JMJD1C: variants seen among roughly 807,000 people sequenced by gnomAD.
JMJD1C encodes jumonji domain containing 1C.
Under a neutral mutation model 245.3 loss-of-function variants are expected in JMJD1C, and 31 were observed. The observed-to-expected ratio is 0.13, with a 90% CI of 0.09 to 0.17. JMJD1C has a LOEUF of 0.17. JMJD1C is among the 10% of genes least tolerant of loss of function. The pLI, the probability that JMJD1C is intolerant of heterozygous loss-of-function variation, is 1.00. For synonymous variants in JMJD1C, 1,057 were observed against 1,017.4 expected, an observed-to-expected ratio of 1.04 and a Z score of -0.74; for missense variants, 2,691 against 3,000.2, an observed-to-expected ratio of 0.90 and a Z score of 2.41.
chr10:63,504,432 A>G (rs1954655329), intron 1 of JMJD1C, among the ~76,000 whole-genome samples: 1 of 152,126 alleles, frequency 6.6e-6, no homozygotes, highest in African/African-American at 2.4e-5. Flanking sequence ...TAAGAAGCCA[A>G]TGCAGGTGAG....
intron 2 of JMJD1C, among the ~76,000 whole-genome samples, chr10:63,335,023 G>GAAGAAAAA (rs1942563813): frequency 9.9e-6 from 1 of 100,836 alleles, no homozygotes; most frequent in African/African-American, 4.1e-5. Context: ...TCTGTCTTTG[G>GAAGAAAAA]AAAAAAATAA....
At chr10:63,471,633 T>C (rs1953494828) in intron 1 of JMJD1C, among the ~76,000 whole-genome samples, 7 of 152,230 alleles carry the variant, frequency 4.6e-5, no homozygotes, top group Admixed American at 4.6e-4. Flanking sequence ...ATTACTAATA[T>C]TAATACATAC....
intron 24 of JMJD1C, 92 bp from the exon 25 acceptor site, chr10:63,168,658 A>C: frequency 8.8e-7 from 1 of 1,137,198 alleles, no homozygotes; most frequent in Non-Finnish European, 1.2e-6. Context: ...ACAAGAGACA[A>C]TTCTGCTGGA....
intron 3 of JMJD1C, among the ~76,000 whole-genome samples, chr10:63,226,608 G>A (rs192375289): frequency 6.6e-5 from 10 of 151,492 alleles, no homozygotes; most frequent in Admixed American, 2.0e-4. Flanking sequence ...CCAACTACTC[G>A]GGAGGCTGAG....
intron 2 of JMJD1C, among the ~76,000 whole-genome samples, chr10:63,274,249 T>C (rs543050116): frequency 3.9e-5 from 6 of 152,316 alleles, no homozygotes; most frequent in East Asian, 1.9e-4. Flanking sequence ...TCCTACATCA[T>C]TGTAATGTCC....
Position 63,207,689 on chromosome 10 carries a change from T to C in JMJD1C, c.3980A>G (p.Asp1327Gly). Residue 1327 changes from aspartate (D) to glycine (G), a missense_variant, in exon 10 of 26, where the codon GAT becomes GGT. Physicochemically the swap from Asp to Gly is moderately conservative, Grantham distance 94 (BLOSUM62 -1). Around this residue, in one of 9 missense-constraint regions of JMJD1C, gnomAD observed 1,562 missense variants for 1,490.7 expected, o/e 1.05. Coordinates refer to ENST00000399262, the MANE Select transcript of JMJD1C (RefSeq NM_032776.3). ...AGCTGAAGATCTTTCACTAACACGA[T>C]CTTTAGAAGCTAACTGCATTGCTGG... is the stretch of plus-strand genomic sequence containing the variant. ...SMPAMQLASK[D>G]RVSERSSAGA... is the part of the protein sequence containing the mutation. 1 of 1,614,172 alleles carries C rather than the reference T, an allele frequency of 6.2e-7. No homozygotes were observed.
At chr10:63,393,841 A>C (rs1026050353) in intron 1 of JMJD1C, among the ~76,000 whole-genome samples, 15 of 152,272 alleles carry the variant, frequency 9.9e-5, no homozygotes, top group African/African-American at 3.6e-4. Context: ...AAAAGAACAA[A>C]GAGTTGCACA....
At chr10:63,357,866 C>CACACACAGAG (rs1491307054) in intron 2 of JMJD1C, among the ~76,000 whole-genome samples, 6 of 137,756 alleles carry the variant, frequency 4.4e-5, no homozygotes, top group African/African-American at 1.6e-4. Flanking sequence ...CACACACACA[C>CACACACAGAG]AGAGACAAAC....
At chr10:63,511,918 C>T (rs1443273875) in intron 1 of JMJD1C, among the ~76,000 whole-genome samples, 3 of 152,058 alleles carry the variant, frequency 2.0e-5, no homozygotes, top group Admixed American at 2.0e-4. Flanking sequence ...CTTCTCCTTC[C>T]CCTTCTTCTT....
At chr10:63,368,592 G>A (rs1315448791) in intron 2 of JMJD1C, among the ~76,000 whole-genome samples, 1 of 152,184 alleles carries the variant, frequency 6.6e-6, no homozygotes, top group African/African-American at 2.4e-5. Flanking sequence ...TTACTGATTT[G>A]TTCTGTAATA....
At chr10:63,366,029 T>C (rs1945808339) in intron 2 of JMJD1C, among the ~76,000 whole-genome samples, 1 of 152,134 alleles carries the variant, frequency 6.6e-6, no homozygotes, top group Admixed American at 6.5e-5. Context: ...TGCAGGAAAA[T>C]GCTACCAAAG....
At chr10:63,328,049 C>T (rs567195445) in intron 2 of JMJD1C, among the ~76,000 whole-genome samples, 9 of 152,090 alleles carry the variant, frequency 5.9e-5, no homozygotes, top group African/African-American at 2.2e-4. Flanking sequence ...CCAAGCCAGG[C>T]GGATCACCTG....
intron 3 of JMJD1C, among the ~76,000 whole-genome samples, chr10:63,256,665 C>T (rs999479572): frequency 1.3e-5 from 2 of 152,164 alleles, no homozygotes; most frequent in African/African-American, 4.8e-5. Flanking sequence ...CCTAGACCAC[C>T]CCCAGGCTTT....
rs1589728233 is a variant in JMJD1C, at chr10:63,427,529, T to A, written c.168+37966A>T. 4 of 1,362,710 alleles carry A rather than the reference T, an allele frequency of 2.9e-6. No individual in the cohort carries two copies. In the Admixed American group the frequency reaches 5.1e-5, roughly 18 times the overall value. 84.4% of individuals were successfully genotyped at this position (1,362,710 alleles called of 1,614,324 possible). On this transcript the variant is annotated intron_variant, in intron 1 of 25. Coordinates refer to ENST00000399262, the MANE Select transcript of JMJD1C (RefSeq NM_032776.3). ...TTTCCTGCCAATGTTCTTCATTCAG[T>A]GTACATCCTGGAGGACTCTATTGTG...
At position 63,408,351 on chromosome 10, in the gene JMJD1C, C is replaced by T. The variant is rs139176547; in HGVS notation, c.169-27869G>A. Among the ~76,000 whole-genome samples, 402 of 151,718 alleles carry T rather than the reference C, an allele frequency of 2.6e-3. 2 individuals carry two copies. Among genetic ancestry groups the T allele is most frequent in the Non-Finnish European group, 4.9e-3 (333 of 67,942 alleles). ...CTGGGAGGCGAAGGTTGCAGTAAGC[C>T]GAGATCGCGCCATTGCACTCCAGCC... On this transcript the variant is annotated intron_variant, in intron 1 of 25. Coordinates refer to ENST00000399262, the MANE Select transcript of JMJD1C (RefSeq NM_032776.3).
At chr10:63,309,356 T>A (rs1938792667) in intron 2 of JMJD1C, among the ~76,000 whole-genome samples, 1 of 150,682 alleles carries the variant, frequency 6.6e-6, no homozygotes. Context: ...TAACCAGGCG[T>A]GGTGGCAGGC....
In JMJD1C at chr10:63,480,930, C is replaced by T. The variant is rs141144859; in HGVS notation, n.113+40808G>A. Among the ~76,000 whole-genome samples the T allele has an allele frequency of 5.6e-4, 85 of 152,258 alleles. 2 individuals are homozygous for T. In the East Asian group the frequency reaches 0.013, roughly 24 times the overall value. On this transcript the variant is annotated intron_variant and non_coding_transcript_variant, in intron 1 of 3. Coordinates refer to the JMJD1C transcript ENST00000633035. The stretch of plus-strand genomic sequence containing the variant: ...AATGGTAAGCATTTTCATCGCCTAC[C>T]ATATAATTCATATTTATATGTAAGA...
chr10:63,467,286 G>C (rs1953332235), upstream of JMJD1C, among the ~76,000 whole-genome samples: 1 of 152,154 alleles, frequency 6.6e-6, no homozygotes, highest in Non-Finnish European at 1.5e-5. Flanking sequence ...ATCACCTGAG[G>C]TCGGGAGTTC....
In JMJD1C at chr10:63,206,657, T is replaced by C. The variant is rs778045024; in HGVS notation, c.5012A>G (p.Asn1671Ser). Residue 1671 changes from asparagine (N) to serine (S), a missense_variant, in exon 10 of 26, where the codon AAT becomes AGT. Asn to Ser is a conservative substitution (Grantham distance 46, BLOSUM62 1). Transcript: ENST00000399262. ...TTTGGCACTCCTGCTGAGAACTCCA[T>C]TGGGTTTCAAATCTTCTTCTATTTC... ...KGEIEEDLKP[N>S]GVLSRSAKER... is the part of the protein sequence containing the mutation. 6.8e-6 allele frequency: 11 copies of C among 1,611,814 alleles called. No individual in the cohort carries two copies. Among genetic ancestry groups the C allele is most frequent in the South Asian group, 3.3e-5 (3 of 90,524 alleles).
Sources: gnomAD v4.1 joint callset for allele counts (sites outside exome capture counted in the v4.1 genomes callset) on GRCh38, gnomAD v4.1.1 for gene constraint, gnomAD v4.1.1 regional missense constraint, MANE v1.5 for transcripts, NCBI Gene and HGNC (gene_info 2026-07-23, HGNC 2026-07-21) for gene names.